ISM1: variants seen among roughly 807,000 people sequenced by gnomAD.
The protein encoded by ISM1 is isthmin-1.
Under a neutral mutation model 46.3 loss-of-function variants are expected in ISM1, and 25 were observed. That is an observed-to-expected ratio of 0.54 (90% CI 0.39 to 0.75). The LOEUF (loss-of-function observed/expected upper bound fraction) is 0.75, where lower values mean the gene tolerates loss of function less well. Ranked by LOEUF, ISM1 falls within the 30% of genes least tolerant of loss-of-function variation. ISM1 has a pLI of 0.00. For missense variants in ISM1, 536 were observed against 625.4 expected, an observed-to-expected ratio of 0.86 and a Z score of 1.52; for synonymous variants, 255 against 256.7, an observed-to-expected ratio of 0.99 and a Z score of 0.06.
In ISM1 at chr20:13,292,403, A is replaced by G; in HGVS notation, c.817A>G (p.Thr273Ala). The G allele has an allele frequency of 6.2e-7, 1 of 1,606,748 alleles. No homozygotes were observed. The highest frequency in any genetic ancestry group is 1.3e-5 in the African/African-American group (1 of 74,982). ...GIEDTFRTAA[T>A]EVSLLAGSEE... is the part of the protein sequence containing the mutation. ...TGAAGACACTTTTAGGACAGCTGCC[A>G]CCGAAGTGAGTCTGCTTGCGGGAAG... The change falls in exon 5 of 6, where the codon ACC becomes GCC. Residue 273 changes from threonine (T) to alanine (A), a missense_variant. Coordinates refer to ENST00000262487, the MANE Select transcript of ISM1 (RefSeq NM_080826.2).
chr20:13,263,555 T>C (rs2040011519), intron 1 of ISM1, among the ~76,000 whole-genome samples: 1 of 152,248 alleles, frequency 6.6e-6, no homozygotes, highest in African/African-American at 2.4e-5. Flanking sequence ...GCAAAACTTT[T>C]GCTCTTCCCT....
intron 1 of ISM1, chr20:13,244,230 A>G (rs1488532055): frequency 6.6e-6 from 1 of 152,182 alleles, no homozygotes; most frequent in African/African-American, 2.4e-5. Context: ...TCAAACTAAA[A>G]GTCTACAAGA....
At chr20:13,259,438 A>G (rs1451697179) in intron 1 of ISM1, among the ~76,000 whole-genome samples, 1 of 152,194 alleles carries the variant, frequency 6.6e-6, no homozygotes, top group Non-Finnish European at 1.5e-5. Flanking sequence ...GAAGACAAAA[A>G]CTGTCCAAAT....
chr20:13,304,630 T>C (rs145049677), downstream of ISM1, among the ~76,000 whole-genome samples: 2 of 152,314 alleles, frequency 1.3e-5, no homozygotes, highest in East Asian at 1.9e-4. Flanking sequence ...CTGGAAGTGC[T>C]GGGAGTCAAC....
intron 1 of ISM1, among the ~76,000 whole-genome samples, chr20:13,262,730 T>C (rs894188473): frequency 7.0e-6 from 1 of 142,014 alleles, no homozygotes; most frequent in African/African-American, 2.6e-5. Context: ...AGTGAAGTGT[T>C]GATCTCCATT....
intron 1 of ISM1, among the ~76,000 whole-genome samples, chr20:13,256,700 G>A (rs1227629437): frequency 6.6e-6 from 1 of 152,180 alleles, no homozygotes; most frequent in Non-Finnish European, 1.5e-5. Flanking sequence ...ATTGTTGGAA[G>A]AGGTATTCAC....
chr20:13,311,594 C>T, the ISM1 span, among the ~76,000 whole-genome samples: 17,597 of 152,144 alleles, frequency 0.12, 1,177 homozygotes, highest in Admixed American at 0.18. Context: ...TTATGAGATG[C>T]TAGTCAGCTT....
chr20:13,245,104 T>A (rs2039777964), intron 1 of ISM1: 1 of 152,230 alleles, frequency 6.6e-6, no homozygotes, highest in Admixed American at 6.5e-5. Context: ...TGGTTAAATA[T>A]CTTCCTTCCT....
Position 13,254,319 on chromosome 20 carries a change from TTAAA to T in ISM1, c.139-16182_139-16179del, listed in dbSNP as rs544770334. On this transcript the variant is annotated intron_variant, in intron 1 of 5. Coordinates refer to ENST00000262487, the MANE Select transcript of ISM1 (RefSeq NM_080826.2). ...ATTTATATAACCATATACATATACT[TTAAA>T]TATGTGTATATATAAGTATAAACAG... Among the ~76,000 whole-genome samples the T allele has an allele frequency of 7.9e-3, 1,209 of 152,138 alleles. 20 individuals carry two copies. The highest frequency in any genetic ancestry group is 8.9e-3 in the Non-Finnish European group (602 of 68,022).
chr20:13,308,889 C>A, the ISM1 span, among the ~76,000 whole-genome samples: 1 of 152,112 alleles, frequency 6.6e-6, no homozygotes, highest in African/African-American at 2.4e-5. Flanking sequence ...CTCTTGCCCT[C>A]TTTCCACCAT....
rs892044238 is a variant in ISM1, at chr20:13,279,844, G to C, written c.589G>C (p.Asp197His). Residue 197 changes from aspartate (D) to histidine (H), a missense_variant, in exon 3 of 6, where the codon GAC becomes CAC. By Grantham distance (81) the Asp-to-His change is moderately conservative (BLOSUM62 -1). Coordinates refer to ENST00000262487, the MANE Select transcript of ISM1 (RefSeq NM_080826.2). ...SNFLNPPRGWDHTAPGHRTFE... is the reference protein window; with the variant it reads ...SNFLNPPRGWHHTAPGHRTFE... ...CTTCCTCAACCCCCCCAGGGGGTGG[G>C]ACCATACAGCCCCAGGCCACCGGAC... 24 of 1,613,720 alleles carry C rather than the reference G, an allele frequency of 1.5e-5. No individual in the cohort carries two copies. The highest frequency in any genetic ancestry group is 2.5e-6 in the Non-Finnish European group (3 of 1,179,754).
intron 1 of ISM1, among the ~76,000 whole-genome samples, chr20:13,262,187 A>G (rs759607353): frequency 2.2e-4 from 33 of 152,066 alleles, no homozygotes; most frequent in Non-Finnish European, 3.4e-4. Context: ...ATATTTGCTC[A>G]AAGTTTGACT....
chr20:13,238,636 T>C (rs1311386859), intron 1 of ISM1, among the ~76,000 whole-genome samples: 1 of 152,202 alleles, frequency 6.6e-6, no homozygotes, highest in East Asian at 1.9e-4. Context: ...AAGAATGTTA[T>C]TAACTTTCCA....
the ISM1 span, among the ~76,000 whole-genome samples, chr20:13,310,755 G>A: frequency 6.6e-6 from 1 of 152,158 alleles, no homozygotes; most frequent in Non-Finnish European, 1.5e-5. Context: ...GTGAGCAAAG[G>A]ACCTGAATAG....
intron 3 of ISM1, among the ~76,000 whole-genome samples, chr20:13,284,113 G>A (rs931931129): frequency 5.3e-5 from 8 of 152,234 alleles, no homozygotes; most frequent in African/African-American, 1.9e-4. Context: ...TACCTCACAG[G>A]GTTGTTGTAG....
At chr20:13,251,902 T>C (rs2039872165) in intron 1 of ISM1, among the ~76,000 whole-genome samples, 1 of 152,182 alleles carries the variant, frequency 6.6e-6, no homozygotes, top group Non-Finnish European at 1.5e-5. Flanking sequence ...TGGCTCTACC[T>C]TAAAAGTCAA....
At chr20:13,253,530 C>G (rs895655741) in intron 1 of ISM1, among the ~76,000 whole-genome samples, 8 of 152,194 alleles carry the variant, frequency 5.3e-5, no homozygotes, top group Non-Finnish European at 8.8e-5. Flanking sequence ...GCCACTGTTC[C>G]TCACCTTCTC....
chr20:13,274,560 C>A (rs1284789097), intron 2 of ISM1, among the ~76,000 whole-genome samples: 1 of 152,214 alleles, frequency 6.6e-6, no homozygotes, highest in Non-Finnish European at 1.5e-5. Context: ...CCCCTTCAGG[C>A]TCTGGAAGTG....
At chr20:13,319,100 G>A in the ISM1 span, among the ~76,000 whole-genome samples, 1 of 152,286 alleles carries the variant, frequency 6.6e-6, no homozygotes, top group African/African-American at 2.4e-5. Context: ...TAGTCAGAGA[G>A]AGTATGTCTC....
Sources: allele counts gnomAD v4.1 joint callset (sites outside exome capture counted in the v4.1 genomes callset), GRCh38; gene constraint gnomAD v4.1.1; transcripts MANE v1.5; gene names NCBI Gene and HGNC (gene_info 2026-07-23, HGNC 2026-07-21).